The following ASXL3 variants were observed in gnomAD, a reference collection of about 807,000 sequenced individuals.
ASXL3 encodes ASXL transcriptional regulator 3.
ASXL3 carries 34 observed loss-of-function variants against 170.6 expected under a neutral mutation model. The observed-to-expected ratio is 0.20, with a 90% CI of 0.15 to 0.27. The LOEUF is 0.27. Ranked by LOEUF, ASXL3 falls within the 10% of genes least tolerant of loss-of-function variation. The pLI is 1.00. For synonymous variants in ASXL3, 1,002 were observed against 989.1 expected (o/e 1.01, Z -0.24); for missense variants, 2,592 against 2,695.3 (o/e 0.96, Z 0.85).
chr18:33,661,504 G>T (rs754135328), intron 4 of ASXL3, 112 bp from the exon 5 acceptor site: 3 of 941,162 alleles, frequency 3.2e-6, no homozygotes, highest in East Asian at 2.7e-5. Flanking sequence ...GTGCTATTTT[G>T]CTTTATTTTA....
chr18:33,736,873 A>G (rs967883152), intron 10 of ASXL3, among the ~76,000 whole-genome samples: 1 of 152,150 alleles, frequency 6.6e-6, no homozygotes, highest in African/African-American at 2.4e-5. Flanking sequence ...TGACATGGGT[A>G]TATTTTATAC....
chr18:33,743,997 C>T lies in ASXL3; in HGVS notation c.4149C>T (p.Ala1383=). ...CCATACCTGGGAGTGAAGAACAGGCCACTGTATCCATGGGTACCACTGTGA... is the reference window on the plus strand; with the variant it reads ...CCATACCTGGGAGTGAAGAACAGGCTACTGTATCCATGGGTACCACTGTGA... ...KIAIPGSEEQ[A]TVSMGTTVRA... Residue 1383 remains alanine, a synonymous_variant, in exon 12 of 12, where the codon GCC becomes GCT. Transcript: ENST00000269197. 3 of 1,613,980 alleles carry T rather than the reference C, an allele frequency of 1.9e-6. No homozygotes were observed. The highest frequency in any genetic ancestry group is 2.2e-5 in the East Asian group (1 of 44,880).
In ASXL3 at chr18:33,738,898, C is replaced by T. The variant is rs772574253; in HGVS notation, c.1494C>T (p.Asn498=). 1.2e-6 allele frequency: 2 copies of T among 1,613,424 alleles called. No individual in the cohort carries two copies. The change falls in exon 11 of 12, where the codon AAC becomes AAT. Residue 498 remains asparagine, a synonymous_variant. Coordinates refer to ENST00000269197, the MANE Select transcript of ASXL3 (RefSeq NM_030632.3). ...EEPQIAPPED[N]LESCVMMNDV... ...CCCAAATAGCACCTCCTGAAGATAACTTGGAATCCTGTGTTATGATGAATG... is the reference window on the plus strand; with the variant it reads ...CCCAAATAGCACCTCCTGAAGATAATTTGGAATCCTGTGTTATGATGAATG...
intron 8 of ASXL3, among the ~76,000 whole-genome samples, chr18:33,686,307 C>T (rs925303890): frequency 8.5e-5 from 13 of 152,254 alleles, no homozygotes; most frequent in Admixed American, 7.2e-4. Context: ...CAACTTCATA[C>T]GCAAGTGTAA....
chr18:33,628,757 A>G lies in ASXL3; in HGVS notation c.138-16137A>G, dbSNP rs1019486518. Among the ~76,000 whole-genome samples the G allele has an allele frequency of 2.0e-5, 3 of 152,138 alleles. 1 individual carries two copies. Among genetic ancestry groups the G allele is most frequent in the Middle Eastern group, 3.4e-3 (1 of 294 alleles). On this transcript the variant is annotated intron_variant, in intron 2 of 11. Coordinates refer to ENST00000269197, the MANE Select transcript of ASXL3 (RefSeq NM_030632.3). ...TTAATGTGTCTGCAAAAATTTTTCTATGTGGAACGTTGGCTTACCACTGCT... is the reference window on the plus strand; with the variant it reads ...TTAATGTGTCTGCAAAAATTTTTCTGTGTGGAACGTTGGCTTACCACTGCT...
intron 2 of ASXL3, 63 bp from the exon 3 acceptor site, chr18:33,644,831 A>G: frequency 9.9e-7 from 1 of 1,011,242 alleles, no homozygotes; most frequent in Non-Finnish European, 1.4e-6. Flanking sequence ...AGACTCAGAG[A>G]ACAGTTTTGC....
chr18:33,691,952 C>G (rs2066692958), intron 8 of ASXL3, among the ~76,000 whole-genome samples: 1 of 152,180 alleles, frequency 6.6e-6, no homozygotes, highest in Admixed American at 6.5e-5. Context: ...ATCAACCCCA[C>G]TTTCTATATG....
chr18:33,728,883 A>G (rs1460191665), intron 8 of ASXL3, among the ~76,000 whole-genome samples: 2 of 152,176 alleles, frequency 1.3e-5, no homozygotes, highest in African/African-American at 4.8e-5. Flanking sequence ...GGCTTCAAAA[A>G]TTTGATACGT....
At chr18:33,738,350 C>T (rs2067583915) in intron 10 of ASXL3, 137 bp from the exon 11 acceptor site, 3 of 917,812 alleles carry the variant, frequency 3.3e-6, no homozygotes, top group Middle Eastern at 3.4e-4. Flanking sequence ...AACTGGTTTA[C>T]ATAAATTAAG....
chr18:33,664,102 T>C (rs1380539869), intron 5 of ASXL3, among the ~76,000 whole-genome samples: 1 of 152,138 alleles, frequency 6.6e-6, no homozygotes, highest in African/African-American at 2.4e-5. Context: ...CACTGTACTC[T>C]CCATTTTACG....
Position 33,739,814 on chromosome 18 carries a change from C to A in ASXL3, c.2410C>A (p.Leu804Met). ...GENLTSQQKNLSNTPEPIIMS... is the reference protein window; with the variant it reads ...GENLTSQQKNMSNTPEPIIMS... The stretch of plus-strand genomic sequence containing the variant: ...GAACCTTACCTCCCAGCAGAAGAAT[C>A]TGTCTAATACTCCCGAACCCATCAT... Residue 804 changes from leucine to methionine, a missense_variant, in exon 11 of 12, where the codon CTG becomes ATG. Coordinates refer to ENST00000269197, the MANE Select transcript of ASXL3 (RefSeq NM_030632.3). The A allele has an allele frequency of 6.2e-7, 1 of 1,613,872 alleles. No individual in the cohort carries two copies. Among genetic ancestry groups the A allele is most frequent in the Non-Finnish European group, 8.5e-7 (1 of 1,179,840 alleles).
intron 2 of ASXL3, among the ~76,000 whole-genome samples, chr18:33,633,381 A>T (rs974973235): frequency 6.6e-6 from 1 of 152,308 alleles, no homozygotes; most frequent in African/African-American, 2.4e-5. Flanking sequence ...GATACAGTAC[A>T]TATATTTTAT....
intron 8 of ASXL3, among the ~76,000 whole-genome samples, chr18:33,707,168 T>C (rs1428324165): frequency 6.6e-6 from 1 of 151,998 alleles, no homozygotes; most frequent in Non-Finnish European, 1.5e-5. Context: ...CTTGTAGAGG[T>C]AGCTCACTAT....
chr18:33,664,926 A>G (rs1041801493), intron 5 of ASXL3, among the ~76,000 whole-genome samples: 1 of 152,220 alleles, frequency 6.6e-6, no homozygotes, highest in Non-Finnish European at 1.5e-5. Flanking sequence ...AATTGCATGA[A>G]TAACATATTG....
In ASXL3 at chr18:33,738,723, A is replaced by C. The variant is rs1568359309; in HGVS notation, c.1319A>C (p.Glu440Ala). The C allele has an allele frequency of 1.9e-6, 3 of 1,613,976 alleles. No homozygotes were observed. Among genetic ancestry groups the C allele is most frequent in the East Asian group, 4.5e-5 (2 of 44,862 alleles). The change falls in exon 11 of 12, where the codon GAG becomes GCG. Residue 440 changes from glutamate to alanine, a missense_variant. Glu to Ala is a moderately radical substitution (Grantham distance 107, BLOSUM62 -1). Around this residue, in one of 4 missense-constraint regions of ASXL3, gnomAD observed 2,246 missense variants for 2,219.6 expected, o/e 1.01. Transcript: ENST00000269197. ...PKDIMAELES[E>A]DILIPEESVI... ...GATATAATGGCAGAATTGGAGTCAG[A>C]GGATATCTTGATCCCTGAAGAATCT... is the stretch of plus-strand genomic sequence containing the variant.
intron 7 of ASXL3, among the ~76,000 whole-genome samples, chr18:33,677,886 C>T (rs1313631422): frequency 6.6e-6 from 1 of 151,944 alleles, no homozygotes; most frequent in Non-Finnish European, 1.5e-5. Flanking sequence ...CTCTGAGCGC[C>T]ATTTAATTTA....
chr18:33,644,935 C>G lies in ASXL3; in HGVS notation c.179C>G (p.Thr60Ser), dbSNP rs983309768. ...PLACLNAMLH[T>S]NTRIGDGTFF... Reference sequence around the variant, plus strand: ...GCCTGTCTGAATGCAATGCTTCACACTAACACTCGAATAGGGGATGGAACA... The same window carrying G: ...GCCTGTCTGAATGCAATGCTTCACAGTAACACTCGAATAGGGGATGGAACA... The change falls in exon 3 of 12, where the codon ACT becomes AGT. Residue 60 changes from threonine to serine, a missense_variant. Around this residue, in one of 4 missense-constraint regions of ASXL3, gnomAD observed 251 missense variants for 281.9 expected, o/e 0.89. Transcript: ENST00000269197. 3 of 1,583,958 alleles carry G rather than the reference C, an allele frequency of 1.9e-6. No individual in the cohort carries two copies. Among genetic ancestry groups the G allele is most frequent in the Non-Finnish European group, 2.6e-6 (3 of 1,163,524 alleles).
intron 8 of ASXL3, among the ~76,000 whole-genome samples, chr18:33,719,924 C>G (rs918430979): frequency 6.6e-6 from 1 of 151,954 alleles, no homozygotes; most frequent in Non-Finnish European, 1.5e-5. Context: ...TATTGCAGAC[C>G]AGACAGACTA....
At chr18:33,592,489 G>A (rs1354040249) in intron 1 of ASXL3, among the ~76,000 whole-genome samples, 1 of 152,102 alleles carries the variant, frequency 6.6e-6, no homozygotes, top group African/African-American at 2.4e-5. Context: ...GCTTTTGAGG[G>A]TCACTATTTT....
Sources: gnomAD v4.1 joint callset for allele counts (sites outside exome capture counted in the v4.1 genomes callset) on GRCh38, gnomAD v4.1.1 for gene constraint, gnomAD v4.1.1 regional missense constraint, MANE v1.5 for transcripts, NCBI Gene and HGNC (gene_info 2026-07-23, HGNC 2026-07-21) for gene names.